Variants in SPATA13 observed in about 807,000 individuals in gnomAD.
SPATA13 encodes spermatogenesis-associated protein 13.
SPATA13 carries 50 observed loss-of-function variants against 104.0 expected under a neutral mutation model. That is an observed-to-expected ratio of 0.48 (90% CI 0.38 to 0.61). SPATA13 has a LOEUF of 0.61. SPATA13 is among the 20% of genes least tolerant of loss of function. The pLI, the probability that SPATA13 is intolerant of heterozygous loss-of-function variation, is 0.00. For missense variants in SPATA13, 1,524 were observed against 1,690.6 expected (o/e 0.90, Z 1.73); for synonymous variants, 606 against 667.5 (o/e 0.91, Z 1.42).
chr13:24,252,004 C>A, intron 4 of SPATA13, 142 bp downstream of exon 4: 2 of 1,048,094 alleles, frequency 1.9e-6, no homozygotes, highest in Non-Finnish European at 2.7e-6. Context: ...CGGCTCATCT[C>A]AGGAGAATGG....
chr13:24,097,630 G>A (rs1251682357), intron 3 of SPATA13, among the ~76,000 whole-genome samples: 1 of 152,182 alleles, frequency 6.6e-6, no homozygotes, highest in African/African-American at 2.4e-5. Context: ...GATAGCCAAT[G>A]ATTTCAAACA....
At chr13:23,985,135 G>C (rs556735039) in intron 2 of SPATA13, among the ~76,000 whole-genome samples, 1 of 152,222 alleles carries the variant, frequency 6.6e-6, no homozygotes, top group Non-Finnish European at 1.5e-5. Context: ...TTCCTCAGGC[G>C]TGGGCATAGT....
In SPATA13 at chr13:24,258,198, G is replaced by A. The variant is rs186346214; in HGVS notation, c.2164+6336G>A. Among the ~76,000 whole-genome samples, 89 of 150,954 alleles carry A rather than the reference G, an allele frequency of 5.9e-4. 1 individual carries two copies. The highest frequency in any genetic ancestry group is 1.9e-3 in the African/African-American group (79 of 40,902). On this transcript the variant is annotated intron_variant, in intron 4 of 12. Coordinates refer to ENST00000382108, the MANE Select transcript of SPATA13 (RefSeq NM_001166271.3). Reference sequence around the variant, plus strand: ...TGCAGTGAGCCTACATTGCGCCATGGCACTCCAGCCTGGGCAACAAGAGTG... The same window carrying A: ...TGCAGTGAGCCTACATTGCGCCATGACACTCCAGCCTGGGCAACAAGAGTG...
intron 2 of SPATA13, among the ~76,000 whole-genome samples, chr13:24,234,331 A>C (rs1248490484): frequency 6.6e-6 from 1 of 152,234 alleles, no homozygotes; most frequent in Non-Finnish European, 1.5e-5. Flanking sequence ...TTAGTGAAGT[A>C]CTAAATACAG....
intron 1 of SPATA13, among the ~76,000 whole-genome samples, chr13:24,185,757 G>T (rs929361193): frequency 6.7e-6 from 1 of 150,190 alleles, no homozygotes; most frequent in Non-Finnish European, 1.5e-5. Context: ...TGTTAGTCAG[G>T]GTTCTCCAGA....
intron 3 of SPATA13, among the ~76,000 whole-genome samples, chr13:24,092,150 G>A (rs966165418): frequency 9.2e-5 from 14 of 152,210 alleles, no homozygotes; most frequent in Non-Finnish European, 1.6e-4. Context: ...GGAAGAACAG[G>A]TTTAGGGAGG....
At chr13:24,079,780 A>T (rs569171455) in intron 3 of SPATA13, among the ~76,000 whole-genome samples, 2 of 152,246 alleles carry the variant, frequency 1.3e-5, no homozygotes, top group Non-Finnish European at 2.9e-5. Flanking sequence ...GACTCATCTT[A>T]TAGAATTGCA....
chr13:24,261,456 C>G (rs1435322117), intron 4 of SPATA13, among the ~76,000 whole-genome samples: 1 of 151,908 alleles, frequency 6.6e-6, no homozygotes. Flanking sequence ...GGAAGGGGAC[C>G]CAAAGTTAGA....
intron 2 of SPATA13, among the ~76,000 whole-genome samples, chr13:24,232,806 C>T (rs1227908125): frequency 6.6e-6 from 1 of 152,196 alleles, no homozygotes; most frequent in Non-Finnish European, 1.5e-5. Flanking sequence ...GCCTCGGCCT[C>T]CCGGAGTGCT....
upstream of SPATA13, among the ~76,000 whole-genome samples, chr13:24,156,668 C>T (rs1882264288): frequency 6.6e-6 from 1 of 152,232 alleles, no homozygotes; most frequent in Non-Finnish European, 1.5e-5. Context: ...CGCACCTTAT[C>T]CATTCTAATC....
At chr13:24,187,167 A>C (rs1869202712) in intron 1 of SPATA13, among the ~76,000 whole-genome samples, 1 of 152,160 alleles carries the variant, frequency 6.6e-6, no homozygotes, top group Non-Finnish European at 1.5e-5. Flanking sequence ...TTCAGAACCC[A>C]TGAATTTTGG....
At chr13:24,294,647 C>T (rs941576610) in intron 9 of SPATA13, 92 bp from the exon 10 acceptor site, 14 of 1,386,156 alleles carry the variant, frequency 1.0e-5, no homozygotes, top group South Asian at 4.5e-5. Context: ...CTAGAGCATT[C>T]GTATACGAAG....
intron 4 of SPATA13, among the ~76,000 whole-genome samples, chr13:24,268,631 C>T (rs7139472): frequency 0.34 from 51,275 of 151,802 alleles, 10,473 homozygotes; most frequent in African/African-American, 0.57. Flanking sequence ...TGGTGGTGTG[C>T]GCCTGTAATC....
chr13:24,299,336 T>G (rs1184141047), intron 11 of SPATA13, among the ~76,000 whole-genome samples: 3 of 152,342 alleles, frequency 2.0e-5, no homozygotes, highest in African/African-American at 7.2e-5. Context: ...TGCAAGTGCA[T>G]GACTGAGGCA....
chr13:24,121,597 TA>T (rs1881031300), intron 3 of SPATA13, among the ~76,000 whole-genome samples: 4 of 152,182 alleles, frequency 2.6e-5, no homozygotes, highest in Admixed American at 2.6e-4. Flanking sequence ...ATATAAAGAA[TA>T]GATACCCAAT....
chr13:24,108,740 C>CT (rs1315634690), intron 3 of SPATA13, among the ~76,000 whole-genome samples: 1 of 152,104 alleles, frequency 6.6e-6, no homozygotes, highest in Non-Finnish European at 1.5e-5. Context: ...CTCATCTCAC[C>CT]TTTCAAGCCT....
intron 2 of SPATA13, among the ~76,000 whole-genome samples, chr13:23,985,033 C>T (rs1017104104): frequency 6.6e-6 from 1 of 152,180 alleles, no homozygotes; most frequent in African/African-American, 2.4e-5. Context: ...AAATGCTCAC[C>T]TCAGACGCAC....
At chr13:24,013,465 T>C (rs1003328884) in intron 2 of SPATA13, among the ~76,000 whole-genome samples, 2 of 152,164 alleles carry the variant, frequency 1.3e-5, no homozygotes, top group Non-Finnish European at 2.9e-5. Flanking sequence ...GGACACTGCT[T>C]GGGGACAGTG....
rs1877363497 is a variant in SPATA13, at chr13:24,303,507, C to T, written c.*734C>T. The T allele has an allele frequency of 6.3e-6, 1 of 159,366 alleles. No individual in the cohort carries two copies. Among genetic ancestry groups the T allele is most frequent in the South Asian group, 1.5e-4 (1 of 6,550 alleles). The allele number at this position is 159,366 out of a possible 1,614,324, so 9.9% of individuals were successfully genotyped here. A position where few individuals can be genotyped will look rare whatever the true frequency, so the allele number is the denominator to read the frequency against. On this transcript the variant is annotated 3_prime_UTR_variant, in exon 13 of 13. Transcript: ENST00000382108. Reference sequence around the variant, plus strand: ...CTTTTCAGGCAAGGAGGGAGAAATCCTGCTGCACACTGGCTTTGTCCCGGA... The same window carrying T: ...CTTTTCAGGCAAGGAGGGAGAAATCTTGCTGCACACTGGCTTTGTCCCGGA...
Sources: allele counts gnomAD v4.1 joint callset (sites outside exome capture counted in the v4.1 genomes callset), GRCh38; gene constraint gnomAD v4.1.1; transcripts MANE v1.5; gene names NCBI Gene and HGNC (gene_info 2026-07-23, HGNC 2026-07-21).